The following GLB1 variants were observed in gnomAD, a reference collection of about 807,000 sequenced individuals.
GLB1 encodes beta-galactosidase.
In GLB1, 56 loss-of-function variants were observed where a neutral mutation model predicts 74.0. The observed-to-expected ratio is 0.76, with a 90% CI of 0.61 to 0.94. The LOEUF (loss-of-function observed/expected upper bound fraction) is 0.94, where lower values mean the gene tolerates loss of function less well. GLB1 is among the 40% of genes least tolerant of loss of function. The pLI is 0.00. For missense variants in GLB1, 787 were observed against 845.5 expected (o/e 0.93, Z 0.86); for synonymous variants, 323 against 323.6 (o/e 1.00, Z 0.02).
chr3:33,006,429 C>T (rs1220597435), intron 15 of GLB1, among the ~76,000 whole-genome samples: 4 of 152,170 alleles, frequency 2.6e-5, no homozygotes, highest in Admixed American at 2.6e-4. Context: ...CCCCCCCACC[C>T]CTGACCACAC....
chr3:33,005,143 A>G (rs142385935), intron 15 of GLB1, among the ~76,000 whole-genome samples: 1 of 152,162 alleles, frequency 6.6e-6, no homozygotes, highest in African/African-American at 2.4e-5. Context: ...TAACTATCCT[A>G]TGGTTATCTA....
the GLB1 span, among the ~76,000 whole-genome samples, chr3:32,988,946 A>T: frequency 6.7e-6 from 1 of 149,080 alleles, no homozygotes; most frequent in Admixed American, 6.7e-5. Flanking sequence ...GTTCCAGGTA[A>T]TCACAATTTT....
At chr3:33,054,433 C>G (rs113609699) in intron 6 of GLB1, among the ~76,000 whole-genome samples, 103 of 152,246 alleles carry the variant, frequency 6.8e-4, no homozygotes, top group African/African-American at 2.5e-3. Context: ...CCTTCACAGG[C>G]CTGTCTTCTT....
intron 10 of GLB1, 114 bp from the exon 11 acceptor site, chr3:33,024,439 C>CT (rs1347094529): frequency 9.2e-6 from 11 of 1,189,622 alleles, no homozygotes; most frequent in Non-Finnish European, 1.3e-5. Flanking sequence ...AGTGCCACTG[C>CT]TTTTTTGGAA....
intron 1 of GLB1, among the ~76,000 whole-genome samples, chr3:33,085,827 C>G (rs1700485084): frequency 6.6e-6 from 1 of 151,256 alleles, no homozygotes; most frequent in South Asian, 2.1e-4. Context: ...ACCTGTAATC[C>G]CAGCATTTTG....
intron 7 of GLB1, 105 bp downstream of exon 7, chr3:33,053,386 C>T (rs750477636): frequency 1.8e-4 from 271 of 1,522,434 alleles, no homozygotes; most frequent in Non-Finnish European, 2.3e-4. Context: ...CCATTAGCTG[C>T]TGACTCCAGA....
chr3:33,025,501 TTC>T (rs1697704534), intron 10 of GLB1, among the ~76,000 whole-genome samples: 1 of 152,220 alleles, frequency 6.6e-6, no homozygotes, highest in Admixed American at 6.5e-5. Context: ...TTCTATTTCT[TTC>T]TTTCCTTCTT....
the GLB1 span, among the ~76,000 whole-genome samples, chr3:32,974,931 G>A: frequency 6.6e-6 from 1 of 152,130 alleles, no homozygotes; most frequent in East Asian, 1.9e-4. Context: ...ATGACCAAAT[G>A]TCTGCGCACC....
intron 10 of GLB1, among the ~76,000 whole-genome samples, chr3:33,043,844 G>GAA (rs376478014): frequency 0.25 from 26,474 of 104,876 alleles, 3,704 homozygotes; most frequent in Admixed American, 0.32. Context: ...ACCAAAAAAA[G>GAA]AAAAAAAAAA....
chr3:33,049,606 C>T (rs927116710), intron 9 of GLB1, among the ~76,000 whole-genome samples: 1 of 152,046 alleles, frequency 6.6e-6, no homozygotes, highest in African/African-American at 2.4e-5. Flanking sequence ...TTAGTAGAGA[C>T]AAGGTTTCAC....
intron 2 of GLB1, among the ~76,000 whole-genome samples, 183 bp downstream of exon 2, chr3:33,072,361 G>A (rs1699917475): frequency 6.6e-6 from 1 of 152,172 alleles, no homozygotes; most frequent in Non-Finnish European, 1.5e-5. Flanking sequence ...TTGAAGATTG[G>A]AAGAAGTAGT....
chr3:33,057,956 A>G (rs1418184543), intron 6 of GLB1, 133 bp downstream of exon 6: 15 of 1,218,516 alleles, frequency 1.2e-5, no homozygotes, highest in Non-Finnish European at 1.4e-5. Context: ...ATTCTATTCT[A>G]CCTGTTCCTT....
chr3:32,971,218 A>C, the GLB1 span, among the ~76,000 whole-genome samples: 1 of 152,220 alleles, frequency 6.6e-6, no homozygotes, highest in Non-Finnish European at 1.5e-5. Context: ...AGATATTACT[A>C]TCTTAAAGCC....
intron 15 of GLB1, among the ~76,000 whole-genome samples, chr3:33,005,618 C>T (rs1192713531): frequency 6.6e-6 from 1 of 152,146 alleles, no homozygotes; most frequent in Non-Finnish European, 1.5e-5. Flanking sequence ...CATCTCCCAC[C>T]AAGTAGCTGG....
At chr3:32,988,185 CAAAA>C in the GLB1 span, among the ~76,000 whole-genome samples, 7 of 60,446 alleles carry the variant, frequency 1.2e-4, no homozygotes, top group East Asian at 5.1e-4. Flanking sequence ...GACTCCATCT[CAAAA>C]AAAAAAAAAA....
chr3:33,005,978 T>C (rs1696772391), intron 15 of GLB1, among the ~76,000 whole-genome samples: 1 of 152,208 alleles, frequency 6.6e-6, no homozygotes, highest in South Asian at 2.1e-4. Flanking sequence ...AAGCATAATT[T>C]TGGTTAAGGA....
intron 10 of GLB1, among the ~76,000 whole-genome samples, chr3:33,032,435 T>C (rs1017756047): frequency 1.3e-5 from 2 of 152,146 alleles, no homozygotes; most frequent in African/African-American, 4.8e-5. Flanking sequence ...TGCAATCCTC[T>C]ATCTCAGGTG....
At chr3:33,003,115 T>TA (rs1258670252) in intron 15 of GLB1, among the ~76,000 whole-genome samples, 1 of 152,234 alleles carries the variant, frequency 6.6e-6, no homozygotes, top group Non-Finnish European at 1.5e-5. Context: ...TCCTCAGTCT[T>TA]AAAGTAATAA....
chr3:33,042,236 T>C (rs904473818), intron 10 of GLB1, among the ~76,000 whole-genome samples: 44 of 152,122 alleles, frequency 2.9e-4, no homozygotes, highest in Admixed American at 2.0e-4. Context: ...TTTAATAGAA[T>C]GCTTTAACAA....
Sources: allele counts gnomAD v4.1 joint callset (sites outside exome capture counted in the v4.1 genomes callset), GRCh38; gene constraint gnomAD v4.1.1; transcripts MANE v1.5; gene names NCBI Gene and HGNC (gene_info 2026-07-23, HGNC 2026-07-21).